The following RAB7B variants were observed in gnomAD, a reference collection of about 807,000 sequenced individuals.
The protein encoded by RAB7B is ras-related protein Rab-7b.
chr1:205,984,411 GAT>G (rs1660553579), intron 5 of RAB7B, among the ~76,000 whole-genome samples: 2 of 152,330 alleles, frequency 1.3e-5, no homozygotes, highest in South Asian at 4.1e-4. Context: ...GAGGGCGGCG[GAT>G]GCTTCCACAT....
chr1:206,002,960 C>CA (rs1226064467), intron 1 of RAB7B, among the ~76,000 whole-genome samples: 1 of 152,236 alleles, frequency 6.6e-6, no homozygotes, highest in East Asian at 1.9e-4. Context: ...TTTGAGGCAG[C>CA]AGCGCCATCC....
At chr1:205,994,010 G>A (rs1660768915) in intron 2 of RAB7B, 73 bp downstream of exon 2, 1 of 398,294 alleles carries the variant, frequency 2.5e-6, no homozygotes, top group Non-Finnish European at 4.4e-6. Flanking sequence ...TGGGAGATGG[G>A]AACACATCAG....
intron 5 of RAB7B, 39 bp downstream of exon 5, chr1:205,985,501 G>C (rs1313205892): frequency 2.5e-6 from 1 of 398,464 alleles, no homozygotes; most frequent in African/African-American, 2.1e-5. Flanking sequence ...CCCCAATCCA[G>C]GGGCGGTCTC....
In RAB7B at chr1:205,990,704, C is replaced by T. The variant is rs1177775965; in HGVS notation, c.396+1776G>A. On this transcript the variant is annotated intron_variant, in intron 4 of 5. Coordinates refer to ENST00000617070, the MANE Select transcript of RAB7B (RefSeq NM_001164522.3). Reference sequence around the variant, plus strand: ...GCGAAATGTTCCCAGTGGAGGCTTCCGAAGGACCCACAGGAGTGACCCACA... The same window carrying T: ...GCGAAATGTTCCCAGTGGAGGCTTCTGAAGGACCCACAGGAGTGACCCACA... Among the ~76,000 whole-genome samples the T allele has an allele frequency of 4.0e-5, 6 of 151,766 alleles. No individual in the cohort carries two copies. In the East Asian group the frequency reaches 1.2e-3, roughly 29 times the overall value.
chr1:205,982,748 C>T (rs1338881993), intron 5 of RAB7B, among the ~76,000 whole-genome samples: 2 of 152,108 alleles, frequency 1.3e-5, no homozygotes, highest in Non-Finnish European at 1.5e-5. Flanking sequence ...AGAAGCGCCT[C>T]CCACATTCTC....
chr1:205,989,164 C>T (rs1296308303), intron 4 of RAB7B, among the ~76,000 whole-genome samples: 1 of 152,078 alleles, frequency 6.6e-6, no homozygotes, highest in Non-Finnish European at 1.5e-5. Context: ...CCTCCTCCAT[C>T]CTCTCCAGGG....
intron 4 of RAB7B, among the ~76,000 whole-genome samples, chr1:205,988,815 T>C (rs1468612182): frequency 1.3e-5 from 2 of 152,112 alleles, no homozygotes; most frequent in Non-Finnish European, 2.9e-5. Flanking sequence ...AGAAGGCGCC[T>C]CACAAGAACG....
At chr1:205,979,709 A>C (rs1428428907) in intron 5 of RAB7B, among the ~76,000 whole-genome samples, 3 of 152,034 alleles carry the variant, frequency 2.0e-5, no homozygotes, top group Non-Finnish European at 4.4e-5. Context: ...TGTTCCTCCC[A>C]CAGCCAGTAC....
At chr1:205,997,736 A>G (rs1426115212) in intron 1 of RAB7B, among the ~76,000 whole-genome samples, 1 of 152,352 alleles carries the variant, frequency 6.6e-6, no homozygotes, top group Non-Finnish European at 1.5e-5. Flanking sequence ...TGGCTCTCGA[A>G]GTATTTGTTA....
chr1:205,997,665 G>A (rs896308044), intron 1 of RAB7B, among the ~76,000 whole-genome samples: 4 of 152,186 alleles, frequency 2.6e-5, no homozygotes, highest in East Asian at 1.9e-4. Flanking sequence ...TGTAATGGAT[G>A]CTGCTGTCCA....
rs1363696269 is a variant in RAB7B at position 205,977,889 on chromosome 1, AT to A, written c.*961del. 1 of 152,052 alleles carries A rather than the reference AT, an allele frequency of 6.6e-6. No homozygotes were observed. Among genetic ancestry groups the A allele is most frequent in the Non-Finnish European group, 1.5e-5 (1 of 68,030 alleles). 9.4% of individuals were successfully genotyped at this position (152,052 alleles called of 1,614,324 possible). A position where few individuals can be genotyped will look rare whatever the true frequency, so the allele number is the denominator to read the frequency against. On this transcript the variant is annotated 3_prime_UTR_variant, in exon 6 of 6. Transcript: ENST00000617070. ...AACTCATCCCACCCCCTGTCACTCTATCCCATTACCCTGTTTCCCTTTGTTT... is the reference window on the plus strand; with the variant it reads ...AACTCATCCCACCCCCTGTCACTCTACCCATTACCCTGTTTCCCTTTGTTT...
chr1:205,990,746 A>C (rs1206324963), intron 4 of RAB7B, among the ~76,000 whole-genome samples: 1 of 151,216 alleles, frequency 6.6e-6, no homozygotes, highest in Non-Finnish European at 1.5e-5. Context: ...AGGGCTTGCA[A>C]CACCTCTCAG....
intron 4 of RAB7B, among the ~76,000 whole-genome samples, chr1:205,988,715 C>T (rs1660661237): frequency 6.6e-6 from 1 of 152,222 alleles, no homozygotes; most frequent in Admixed American, 6.5e-5. Flanking sequence ...CTGGTCTCCG[C>T]CCCGCAGAGG....
intron 5 of RAB7B, among the ~76,000 whole-genome samples, chr1:205,983,517 G>A (rs879083919): frequency 0.84 from 127,137 of 152,168 alleles, 53,716 homozygotes; most frequent in Non-Finnish European, 0.91. Context: ...TGAGGGCTGT[G>A]TCTCCAGCTC....
chr1:205,990,482 A>G (rs1375032533), intron 4 of RAB7B, among the ~76,000 whole-genome samples: 1 of 152,334 alleles, frequency 6.6e-6, no homozygotes, highest in African/African-American at 2.4e-5. Context: ...CTTGTCCCCC[A>G]GTGGAGCCAG....
chr1:206,002,674 A>G (rs1289340357), intron 1 of RAB7B, among the ~76,000 whole-genome samples: 2 of 152,346 alleles, frequency 1.3e-5, no homozygotes, highest in African/African-American at 2.4e-5. Flanking sequence ...CTGAAGCCCA[A>G]TGGATACCTG....
chr1:205,985,809 GCCCACCAGGCCCACCATC>G (rs1660592917), intron 4 of RAB7B, 144 bp from the exon 5 acceptor site: 8 of 131,382 alleles, frequency 6.1e-5, no homozygotes, highest in African/African-American at 1.2e-4. Flanking sequence ...TCCCCACCAG[GCCCACCAGGCCCACCATC>G]CCCACCAGGC....
At chr1:206,000,815 C>A (rs1373926471) in intron 1 of RAB7B, among the ~76,000 whole-genome samples, 1 of 152,238 alleles carries the variant, frequency 6.6e-6, no homozygotes, top group Non-Finnish European at 1.5e-5. Flanking sequence ...TTATGCCAAG[C>A]ACCACCCTGT....
intron 4 of RAB7B, among the ~76,000 whole-genome samples, chr1:205,985,990 T>C (rs1273101060): frequency 6.6e-6 from 1 of 152,212 alleles, no homozygotes; most frequent in Non-Finnish European, 1.5e-5. Flanking sequence ...CTGAGCAGGA[T>C]TTGAACACAG....
Sources: gnomAD v4.1 joint callset for allele counts (sites outside exome capture counted in the v4.1 genomes callset) on GRCh38, gnomAD v4.1.1 for gene constraint, MANE v1.5 for transcripts, NCBI Gene and HGNC (gene_info 2026-07-23, HGNC 2026-07-21) for gene names.